The following LRP2 variants were observed in gnomAD, a reference collection of about 807,000 sequenced individuals.
The protein encoded by LRP2 is low-density lipoprotein receptor-related protein 2.
In LRP2, 172 loss-of-function variants were observed where a neutral mutation model predicts 531.0. The observed-to-expected ratio is 0.32, with a 90% CI of 0.29 to 0.37. The LOEUF (loss-of-function observed/expected upper bound fraction) is 0.37, where lower values mean the gene tolerates loss of function less well. Among genes scored for constraint, LRP2 ranks in the 10% least tolerant of loss-of-function variants. LRP2 has a pLI of 1.00. For missense variants in LRP2, 5,167 were observed against 5,868.3 expected (o/e 0.88, Z 3.90); for synonymous variants, 1,992 against 2,027.6 (o/e 0.98, Z 0.47).
intron 10 of LRP2, among the ~76,000 whole-genome samples, chr2:169,281,247 C>T (rs1397226933): frequency 6.6e-6 from 1 of 152,128 alleles, no homozygotes; most frequent in Non-Finnish European, 1.5e-5. Flanking sequence ...CATGGGGAAA[C>T]CCTGTTTCTA....
chr2:169,310,278 C>T (rs562853942), intron 3 of LRP2, among the ~76,000 whole-genome samples: 1 of 150,316 alleles, frequency 6.7e-6, no homozygotes, highest in Non-Finnish European at 1.5e-5. Flanking sequence ...AGAGTGGTGA[C>T]AGTTTTCAAA....
intron 63 of LRP2, among the ~76,000 whole-genome samples, chr2:169,159,371 T>C (rs1686487940): frequency 6.6e-6 from 1 of 152,126 alleles, no homozygotes; most frequent in African/African-American, 2.4e-5. Flanking sequence ...TCACTATATG[T>C]GGTCTGAGTA....
chr2:169,326,784 C>A (rs1056982735), intron 1 of LRP2, among the ~76,000 whole-genome samples: 4 of 150,592 alleles, frequency 2.7e-5, no homozygotes, highest in African/African-American at 9.8e-5. Flanking sequence ...CGCCTCTTCC[C>A]GGCAGCCATC....
intron 33 of LRP2, among the ~76,000 whole-genome samples, chr2:169,221,471 A>C (rs1289805229): frequency 6.6e-6 from 1 of 152,184 alleles, no homozygotes; most frequent in African/African-American, 2.4e-5. Flanking sequence ...ACATAGAAAT[A>C]TAGTTTATTG....
chr2:169,249,919 C>T (rs377185056), intron 19 of LRP2, among the ~76,000 whole-genome samples: 7 of 50,226 alleles, frequency 1.4e-4, no homozygotes, highest in African/African-American at 3.5e-4. Context: ...TGAAATGAAG[C>T]GAGAAGGGAA....
chr2:169,310,277 A>AGAGAGGG (rs1187246517), intron 3 of LRP2, among the ~76,000 whole-genome samples: 1 of 150,948 alleles, frequency 6.6e-6, no homozygotes, highest in East Asian at 2.0e-4. Flanking sequence ...AAGAGTGGTG[A>AGAGAGGG]CAGTTTTCAA....
At position 169,237,248 on chromosome 2, in the gene LRP2, T is replaced by C. The variant is rs1366981589; in HGVS notation, c.4546A>G (p.Ile1516Val). The C allele has an allele frequency of 6.2e-7, 1 of 1,613,902 alleles. No homozygotes were observed. The highest frequency in any genetic ancestry group is 8.5e-7 in the Non-Finnish European group (1 of 1,179,886). ...TAAAGATTACGACCTACCCAATCTA[T>C]TGCAATAGTTTCAGTCAAGATGATG... The part of the protein sequence containing the change: ...SSIILTETIA[I>V]DWVGRNLYWT... Residue 1516 changes from isoleucine to valine, a missense_variant, in exon 28 of 79, where the codon ATA (isoleucine) becomes GTA (valine). Around this residue, in one of 6 missense-constraint regions of LRP2, gnomAD observed 2,811 missense variants for 3,058.0 expected, o/e 0.92. Coordinates refer to ENST00000649046, the MANE Select transcript of LRP2 (RefSeq NM_004525.3).
At chr2:169,128,946 C>A in intron 78 of LRP2, 67 bp downstream of exon 78, 1 of 1,534,774 alleles carries the variant, frequency 6.5e-7, no homozygotes, top group Non-Finnish European at 9.0e-7. Context: ...AAGTGTGTGT[C>A]CAATTTAACC....
At chr2:169,197,654 T>C (rs1259746465) in intron 45 of LRP2, among the ~76,000 whole-genome samples, 2 of 152,238 alleles carry the variant, frequency 1.3e-5, no homozygotes, top group Admixed American at 6.5e-5. Context: ...TTGTAATTCT[T>C]CTGGTCTATA....
chr2:169,243,766 T>C (rs1689898829), intron 22 of LRP2, among the ~76,000 whole-genome samples: 1 of 152,084 alleles, frequency 6.6e-6, no homozygotes, highest in African/African-American at 2.4e-5. Context: ...CCTTGGAAAA[T>C]AGACCACATT....
intron 77 of LRP2, 66 bp from the exon 78 acceptor site, chr2:169,129,150 C>A: frequency 1.7e-6 from 2 of 1,165,458 alleles, no homozygotes; most frequent in Admixed American, 3.4e-5. Flanking sequence ...TCTTTTCCTC[C>A]TGTCTCAGTT....
chr2:169,204,313 GTGAGT>G, intron 41 of LRP2, 42 bp from the exon 42 acceptor site: 1 of 1,591,200 alleles, frequency 6.3e-7, no homozygotes, highest in South Asian at 1.1e-5. Flanking sequence ...GAAATCTCAA[GTGAGT>G]TAAGTTTTCA....
At chr2:169,273,115 T>C (rs1447973447) in intron 14 of LRP2, 48 bp from the exon 15 acceptor site, 1 of 1,611,024 alleles carries the variant, frequency 6.2e-7, no homozygotes, top group Admixed American at 1.7e-5. Flanking sequence ...AAATGTGTAA[T>C]TATCCAAGAC....
At chr2:169,284,256 C>CCTCT (rs1683783491) in intron 9 of LRP2, among the ~76,000 whole-genome samples, 1 of 96,668 alleles carries the variant, frequency 1.0e-5, no homozygotes, top group Non-Finnish European at 1.9e-5. Flanking sequence ...TCTTTTTTTT[C>CCTCT]TTTTTTTTTT....
Position 169,239,762 on chromosome 2 carries a change from G to A in LRP2, c.4059C>T (p.Cys1353=). ...GAGTACAACCACCATTGAAATCTGA[G>A]CAGCTGTTCCCATCTAGAAAAAAGA... is the stretch of plus-strand genomic sequence containing the variant. ...DESPLCNGNS[C]SDFNGGCTHE... is the part of the protein sequence containing the mutation. Residue 1353 remains cysteine (C), a synonymous_variant, in exon 26 of 79, where the codon TGC becomes TGT. Coordinates refer to ENST00000649046, the MANE Select transcript of LRP2 (RefSeq NM_004525.3). The A allele has an allele frequency of 6.2e-7, 1 of 1,613,898 alleles. No homozygotes were observed. Among genetic ancestry groups the A allele is most frequent in the Non-Finnish European group, 8.5e-7 (1 of 1,179,820 alleles).
chr2:169,274,415 T>G (rs919697022), intron 14 of LRP2, among the ~76,000 whole-genome samples: 1 of 151,816 alleles, frequency 6.6e-6, no homozygotes, highest in Non-Finnish European at 1.5e-5. Context: ...GGAAATCCCA[T>G]CTCAGAAAAA....
chr2:169,289,289 G>C, intron 8 of LRP2, 144 bp from the exon 9 acceptor site: 1 of 1,014,178 alleles, frequency 9.9e-7, no homozygotes, highest in South Asian at 1.4e-5. Context: ...AAAGCTTACT[G>C]CAAAACTTTG....
At chr2:169,173,868 C>T (rs555492829) in intron 56 of LRP2, 51 bp downstream of exon 56, 2 of 1,611,918 alleles carry the variant, frequency 1.2e-6, no homozygotes, top group East Asian at 2.2e-5. Flanking sequence ...ATGGAAGTTT[C>T]CTCGTGTCTC....
intron 15 of LRP2, chr2:169,271,778 C>T: frequency 3.1e-6 from 2 of 638,282 alleles, no homozygotes; most frequent in Non-Finnish European, 3.9e-6. Flanking sequence ...ACACCAAGAA[C>T]CTTACAGTAG....
Sources: gnomAD v4.1 joint callset for allele counts (sites outside exome capture counted in the v4.1 genomes callset) on GRCh38, gnomAD v4.1.1 for gene constraint, gnomAD v4.1.1 regional missense constraint, MANE v1.5 for transcripts, NCBI Gene and HGNC (gene_info 2026-07-23, HGNC 2026-07-21) for gene names.